The following RASA1 variants were observed in gnomAD, a reference collection of about 807,000 sequenced individuals.
RASA1 encodes the protein RAS p21 protein activator 1.
Under a neutral mutation model 132.2 loss-of-function variants are expected in RASA1, and 25 were observed. The observed-to-expected ratio is 0.19, with a 90% CI of 0.14 to 0.26. The LOEUF (loss-of-function observed/expected upper bound fraction) is 0.26, where lower values mean the gene tolerates loss of function less well. Ranked by LOEUF, RASA1 falls within the 10% of genes least tolerant of loss-of-function variation. The pLI, the probability that RASA1 is intolerant of heterozygous loss-of-function variation, is 1.00. For synonymous variants in RASA1, 477 were observed against 449.9 expected, an observed-to-expected ratio of 1.06 and a Z score of -0.76; for missense variants, 964 against 1,299.2, an observed-to-expected ratio of 0.74 and a Z score of 3.97.
chr5:87,303,805 T>TTACGAAATG (rs1755484297), intron 1 of RASA1, among the ~76,000 whole-genome samples: 2 of 151,740 alleles, frequency 1.3e-5, no homozygotes, highest in African/African-American at 4.8e-5. Context: ...TACTGTATTA[T>TTACGAAATG]TACGAAATGT....
chr5:87,283,616 C>T (rs958824103), intron 1 of RASA1, among the ~76,000 whole-genome samples: 3 of 152,106 alleles, frequency 2.0e-5, no homozygotes, highest in South Asian at 2.1e-4. Context: ...GTATATATCC[C>T]TATCCCCCTA....
At chr5:87,363,060 A>C (rs1760236511) in intron 10 of RASA1, among the ~76,000 whole-genome samples, 1 of 151,950 alleles carries the variant, frequency 6.6e-6, no homozygotes, top group Non-Finnish European at 1.5e-5. Flanking sequence ...AAGACTGTTA[A>C]AGAATTATTC....
intron 9 of RASA1, among the ~76,000 whole-genome samples, chr5:87,353,508 C>G (rs1759431762): frequency 6.6e-6 from 1 of 151,406 alleles, no homozygotes; most frequent in African/African-American, 2.4e-5. Context: ...TTTTTGGAGG[C>G]AAAAGTAGAG....
chr5:87,280,652 T>C (rs529454802), intron 1 of RASA1, among the ~76,000 whole-genome samples: 1 of 152,328 alleles, frequency 6.6e-6, no homozygotes, highest in East Asian at 1.9e-4. Context: ...CTGTATACCT[T>C]CTTTGGTGAA....
intron 1 of RASA1, among the ~76,000 whole-genome samples, chr5:87,300,818 A>C (rs1755327520): frequency 6.6e-6 from 1 of 152,190 alleles, no homozygotes; most frequent in African/African-American, 2.4e-5. Context: ...GAACAGAGAA[A>C]ATGAAAAATG....
At chr5:87,341,747 T>C (rs1758481760) in intron 6 of RASA1, among the ~76,000 whole-genome samples, 1 of 152,150 alleles carries the variant, frequency 6.6e-6, no homozygotes, top group Non-Finnish European at 1.5e-5. Flanking sequence ...ATCTTCAGAC[T>C]GATTTTATGT....
intron 1 of RASA1, among the ~76,000 whole-genome samples, chr5:87,287,752 T>TA (rs199741231): frequency 0.47 from 10,437 of 22,386 alleles, 4,061 homozygotes; most frequent in East Asian, 0.62. Context: ...AGATATACCA[T>TA]TATGTACACG....
rs1454542039 is a variant in RASA1, at chr5:87,390,781, C to T, written c.3061-19C>T. 4 of 1,593,082 alleles carry T rather than the reference C, an allele frequency of 2.5e-6. No homozygotes were observed. The highest frequency in any genetic ancestry group is 3.3e-5 in the Admixed American group (2 of 59,940). ...GACCGAGCTTTCATTTATTTTCATA[C>T]CATTTTTCCTCTGTCTAGCACGTAT... On this transcript the variant is annotated intron_variant, in intron 24 of 24. Transcript: ENST00000274376.
chr5:87,386,281 T>A (rs2112515670), intron 22 of RASA1, among the ~76,000 whole-genome samples: 1 of 152,154 alleles, frequency 6.6e-6, no homozygotes, highest in Middle Eastern at 3.4e-3. Flanking sequence ...TCCCTATTTA[T>A]AGCATGGTTT....
At chr5:87,276,748 A>G (rs1754077045) in intron 1 of RASA1, among the ~76,000 whole-genome samples, 1 of 152,204 alleles carries the variant, frequency 6.6e-6, no homozygotes, top group Admixed American at 6.5e-5. Context: ...TAGGATTATT[A>G]CAGTGAGAAA....
intron 1 of RASA1, among the ~76,000 whole-genome samples, chr5:87,269,554 A>G (rs748002878): frequency 2.0e-5 from 3 of 152,226 alleles, no homozygotes; most frequent in African/African-American, 4.8e-5. Flanking sequence ...GAGAAAGGAA[A>G]GGAATCCTGT....
At chr5:87,376,678 T>C (rs1761348829) in intron 16 of RASA1, 113 bp downstream of exon 16, 1 of 1,354,210 alleles carries the variant, frequency 7.4e-7, no homozygotes, top group South Asian at 1.2e-5. Flanking sequence ...AGCACAATGA[T>C]GCCAGAGATT....
chr5:87,269,245 A>G, intron 1 of RASA1: 2 of 1,543,510 alleles, frequency 1.3e-6, no homozygotes, highest in South Asian at 2.4e-5. Flanking sequence ...GAAAATGTGT[A>G]TCTAATGAGA....
intron 1 of RASA1, among the ~76,000 whole-genome samples, chr5:87,312,749 CTTCA>C (rs1206781214): frequency 2.6e-5 from 4 of 152,188 alleles, no homozygotes; most frequent in Non-Finnish European, 5.9e-5. Flanking sequence ...GTCCTCTCAG[CTTCA>C]TTCTTTCTTC....
At chr5:87,361,990 T>A (rs1760135675) in intron 9 of RASA1, among the ~76,000 whole-genome samples, 1 of 152,152 alleles carries the variant, frequency 6.6e-6, no homozygotes, top group Non-Finnish European at 1.5e-5. Context: ...TCTGAAATCA[T>A]GGTTATAACA....
Position 87,341,291 on chromosome 5 carries a change from G to A in RASA1, c.1019G>A (p.Gly340Asp). 7.4e-7 allele frequency: 1 copy of A among 1,347,886 alleles called. No individual in the cohort carries two copies. The highest frequency in any genetic ancestry group is 3.4e-5 in the Admixed American group (1 of 29,220). The allele number at this position is 1,347,886 out of a possible 1,614,324, so 83.5% of individuals were successfully genotyped here. A position where few individuals can be genotyped will look rare whatever the true frequency, so the allele number is the denominator to read the frequency against. Residue 340 changes from glycine (G) to aspartate (D), a missense_variant and splice_region_variant, in exon 6 of 25, where the codon GGC becomes GAC. By Grantham distance (94) the Gly-to-Asp change is moderately conservative. Coordinates refer to ENST00000274376, the MANE Select transcript of RASA1 (RefSeq NM_002890.3). Reference protein sequence around the residue: ...LIVEDLVEEVGREEDPHEGKI... With the variant: ...LIVEDLVEEVDREEDPHEGKI... ...ACTGTCTTAATGTCTTCCCTTTAGG[G>A]CCGGGAAGAAGATCCACATGAAGGA... is the stretch of plus-strand genomic sequence containing the variant.
At chr5:87,292,202 T>G (rs573307667) in intron 1 of RASA1, among the ~76,000 whole-genome samples, 1 of 152,174 alleles carries the variant, frequency 6.6e-6, no homozygotes, top group Non-Finnish European at 1.5e-5. Flanking sequence ...GTTTTTTCTT[T>G]CATGGATTGT....
intron 1 of RASA1, among the ~76,000 whole-genome samples, chr5:87,307,021 AG>A (rs1561268955): frequency 6.6e-6 from 1 of 151,946 alleles, no homozygotes; most frequent in East Asian, 1.9e-4. Context: ...CACTGTGTGC[AG>A]CGTATTTGTT....
At chr5:87,311,005 G>T (rs1464144774) in intron 1 of RASA1, among the ~76,000 whole-genome samples, 1 of 152,116 alleles carries the variant, frequency 6.6e-6, no homozygotes, top group Non-Finnish European at 1.5e-5. Flanking sequence ...TTATTAAGTT[G>T]CAGTCCTTGA....
Sources: allele counts gnomAD v4.1 joint callset (sites outside exome capture counted in the v4.1 genomes callset), GRCh38; gene constraint gnomAD v4.1.1; transcripts MANE v1.5; gene names NCBI Gene and HGNC (gene_info 2026-07-23, HGNC 2026-07-21).